Variants in SLIT3 observed in about 807,000 individuals in gnomAD.
The protein encoded by SLIT3 is slit guidance ligand 3.
A neutral mutation model predicts 184.0 loss-of-function variants in SLIT3; 68 were observed. The ratio of observed to expected loss-of-function variants is 0.37; its 90% confidence interval spans 0.30 to 0.45. SLIT3 has a LOEUF of 0.45. Among genes scored for constraint, SLIT3 ranks in the 20% least tolerant of loss-of-function variants. The pLI, the probability that SLIT3 is intolerant of heterozygous loss-of-function variation, is 1.00. For synonymous variants in SLIT3, 831 were observed against 828.6 expected, an observed-to-expected ratio of 1.00 and a Z score of -0.05; for missense variants, 1,707 against 2,026.0, an observed-to-expected ratio of 0.84 and a Z score of 3.02.
At chr5:168,985,292 A>G (rs1465764494) in intron 4 of SLIT3, among the ~76,000 whole-genome samples, 2 of 152,212 alleles carry the variant, frequency 1.3e-5, no homozygotes, top group Non-Finnish European at 2.9e-5. Context: ...CGAATATGCC[A>G]TCTTGGCTTC....
At chr5:168,976,080 G>C (rs1305812323) in intron 4 of SLIT3, among the ~76,000 whole-genome samples, 1 of 152,178 alleles carries the variant, frequency 6.6e-6, no homozygotes, top group Non-Finnish European at 1.5e-5. Flanking sequence ...CTGGATACCA[G>C]GAGCCAGCTG....
intron 3 of SLIT3, among the ~76,000 whole-genome samples, chr5:169,196,283 GATGTGATGT>G (rs1303992787): frequency 6.6e-6 from 1 of 152,208 alleles, no homozygotes; most frequent in Non-Finnish European, 1.5e-5. Flanking sequence ...GAGAAGGCTT[GATGTGATGT>G]ATGTGGGATT....
chr5:168,699,788 T>A (rs1433998552), intron 27 of SLIT3, among the ~76,000 whole-genome samples: 1 of 152,114 alleles, frequency 6.6e-6, no homozygotes, highest in African/African-American at 2.4e-5. Context: ...GGGATTTAAA[T>A]GAGAAAATAC....
intron 4 of SLIT3, among the ~76,000 whole-genome samples, chr5:169,155,870 T>C (rs1161037187): frequency 1.3e-5 from 2 of 152,190 alleles, no homozygotes; most frequent in Non-Finnish European, 2.9e-5. Context: ...TATGAACTGC[T>C]CCACCTCGCC....
chr5:169,079,260 A>C (rs1758868272), intron 4 of SLIT3, among the ~76,000 whole-genome samples: 1 of 152,166 alleles, frequency 6.6e-6, no homozygotes, highest in South Asian at 2.1e-4. Context: ...ACAGAATCAA[A>C]GGGATGAGGC....
chr5:168,693,590 G>A (rs994592990), intron 28 of SLIT3, among the ~76,000 whole-genome samples: 50 of 152,246 alleles, frequency 3.3e-4, no homozygotes, highest in Admixed American at 9.8e-4. Context: ...AATTCCACTA[G>A]GTCAAGCCAG....
In SLIT3 at chr5:168,753,921, T is replaced by C; in HGVS notation, c.1772A>G (p.Asn591Ser). 1 of 1,611,564 alleles carries C rather than the reference T, an allele frequency of 6.2e-7. No homozygotes were observed. Among genetic ancestry groups the C allele is most frequent in the Non-Finnish European group, 8.5e-7 (1 of 1,179,368 alleles). The change falls in exon 17 of 36, where the codon AAC becomes AGC. Residue 591 changes from asparagine to serine, a missense_variant. Coordinates refer to ENST00000519560, the MANE Select transcript of SLIT3 (RefSeq NM_003062.4). Reference sequence around the variant, plus strand: ...GCGCCCGTGCACGGTCTCCAGCTGGTTCCCTGTCAGCATCAGCTCCTGCAC... The same window carrying C: ...GCGCCCGTGCACGGTCTCCAGCTGGCTCCCTGTCAGCATCAGCTCCTGCAC... The part of the protein sequence containing the change: ...ASVQELMLTG[N>S]QLETVHGRVF...
intron 35 of SLIT3, chr5:168,666,921 G>C: frequency 1.5e-6 from 1 of 672,534 alleles, no homozygotes; most frequent in Non-Finnish European, 2.6e-6. Context: ...ATATAATGAT[G>C]ACAAAAGCAG....
intron 4 of SLIT3, among the ~76,000 whole-genome samples, chr5:169,006,787 T>G (rs1479604982): frequency 6.6e-6 from 1 of 152,186 alleles, no homozygotes; most frequent in Non-Finnish European, 1.5e-5. Context: ...GAAGCCTGAG[T>G]GCCTCCCACC....
chr5:168,740,654 C>T (rs1328149592), intron 20 of SLIT3, among the ~76,000 whole-genome samples: 2 of 152,128 alleles, frequency 1.3e-5, no homozygotes, highest in Non-Finnish European at 2.9e-5. Context: ...CAACCCTCCA[C>T]CCCAGGAAGA....
chr5:168,854,803 C>T (rs1219986349), intron 5 of SLIT3, among the ~76,000 whole-genome samples: 5 of 152,094 alleles, frequency 3.3e-5, no homozygotes, highest in Non-Finnish European at 7.3e-5. Flanking sequence ...GGTGAGTGGC[C>T]ATTAGCGAGG....
intron 8 of SLIT3, among the ~76,000 whole-genome samples, chr5:168,810,423 C>T (rs535081975): frequency 3.6e-4 from 55 of 152,276 alleles, no homozygotes; most frequent in African/African-American, 1.3e-3. Flanking sequence ...TATAGAACCC[C>T]TGTTATAAGA....
At chr5:168,931,849 T>G (rs1433878325) in intron 4 of SLIT3, among the ~76,000 whole-genome samples, 1 of 152,186 alleles carries the variant, frequency 6.6e-6, no homozygotes, top group Admixed American at 6.5e-5. Context: ...AGGTTCCTTT[T>G]GCAATAACCA....
chr5:169,207,370 TACACACACACACACAC>T (rs56721949), intron 3 of SLIT3, among the ~76,000 whole-genome samples: 20 of 131,932 alleles, frequency 1.5e-4, no homozygotes, highest in South Asian at 2.7e-4. Flanking sequence ...TACACATACA[TACACACACACACACAC>T]ACACACACAC....
At chr5:168,802,272 G>A (rs1756792982) in intron 9 of SLIT3, among the ~76,000 whole-genome samples, 1 of 147,082 alleles carries the variant, frequency 6.8e-6, no homozygotes, top group African/African-American at 2.4e-5. Flanking sequence ...CCACCCATCT[G>A]CTGACCTCTC....
At chr5:169,236,633 G>A (rs1317384339) in intron 3 of SLIT3, among the ~76,000 whole-genome samples, 1 of 151,986 alleles carries the variant, frequency 6.6e-6, no homozygotes, top group Non-Finnish European at 1.5e-5. Flanking sequence ...ACCATGCCTG[G>A]ATAATTTGTT....
intron 4 of SLIT3, among the ~76,000 whole-genome samples, chr5:169,062,522 C>T (rs1317164771): frequency 6.6e-6 from 1 of 152,250 alleles, no homozygotes; most frequent in East Asian, 1.9e-4. Context: ...CCTCTGCCCT[C>T]ACTCACTGTG....
intron 3 of SLIT3, among the ~76,000 whole-genome samples, chr5:169,208,766 C>T (rs572089923): frequency 6.6e-6 from 1 of 152,092 alleles, no homozygotes; most frequent in Non-Finnish European, 1.5e-5. Flanking sequence ...CTTCCTTATA[C>T]CTTAGACAAA....
intron 4 of SLIT3, among the ~76,000 whole-genome samples, chr5:168,985,837 T>TGGGG (rs1232046074): frequency 1.3e-5 from 2 of 151,654 alleles, no homozygotes; most frequent in African/African-American, 4.8e-5. Context: ...GGAGGGATGA[T>TGGGG]GGCGGGGGGT....
Sources: allele counts gnomAD v4.1 joint callset (sites outside exome capture counted in the v4.1 genomes callset), GRCh38; gene constraint gnomAD v4.1.1; transcripts MANE v1.5; gene names NCBI Gene and HGNC (gene_info 2026-07-23, HGNC 2026-07-21).